ZGRF1: variants seen among roughly 807,000 people sequenced by gnomAD.
ZGRF1 encodes the protein 5'-3' DNA helicase ZGRF1.
A neutral mutation model predicts 203.5 loss-of-function variants in ZGRF1; 196 were observed. The observed-to-expected ratio is 0.96, with a 90% CI of 0.86 to 1.08. ZGRF1 has a LOEUF of 1.08. Among genes scored for constraint, ZGRF1 ranks in the 50% least tolerant of loss-of-function variants. The pLI is 0.00. For synonymous variants in ZGRF1, 809 were observed against 841.3 expected, an observed-to-expected ratio of 0.96 and a Z score of 0.66; for missense variants, 2,326 against 2,416.3, an observed-to-expected ratio of 0.96 and a Z score of 0.78.
chr4:112,583,497 C>T (rs1282123975), intron 15 of ZGRF1, among the ~76,000 whole-genome samples: 2 of 152,192 alleles, frequency 1.3e-5, no homozygotes, highest in African/African-American at 2.4e-5. Flanking sequence ...TAGAGGGAGC[C>T]GAAATAACTT....
At chr4:112,584,842 G>GTA (rs1746898676) in intron 14 of ZGRF1, among the ~76,000 whole-genome samples, 1 of 152,124 alleles carries the variant, frequency 6.6e-6, no homozygotes, top group Non-Finnish European at 1.5e-5. Flanking sequence ...TCTACAATGA[G>GTA]TATAAGTCAT....
intron 16 of ZGRF1, among the ~76,000 whole-genome samples, chr4:112,574,087 G>A (rs1187161996): frequency 1.3e-5 from 2 of 152,182 alleles, no homozygotes; most frequent in Admixed American, 1.3e-4. Flanking sequence ...GATGTGTGAA[G>A]TATGTTCATA....
intron 16 of ZGRF1, among the ~76,000 whole-genome samples, chr4:112,576,858 G>T (rs1745329022): frequency 6.6e-6 from 1 of 151,938 alleles, no homozygotes; most frequent in South Asian, 2.1e-4. Context: ...CACTCTGCAG[G>T]ATATTATCCA....
intron 24 of ZGRF1, among the ~76,000 whole-genome samples, chr4:112,543,153 A>G (rs910789731): frequency 3.2e-4 from 49 of 152,208 alleles, no homozygotes; most frequent in Admixed American, 2.9e-3. Context: ...GACATTAGCC[A>G]TATTAAGTCA....
chr4:112,552,276 C>CAA (rs893477924), intron 22 of ZGRF1, among the ~76,000 whole-genome samples: 2 of 99,490 alleles, frequency 2.0e-5, no homozygotes, highest in African/African-American at 4.0e-5. Context: ...GACTCTGGCT[C>CAA]AAAAAAAAAA....
chr4:112,545,542 A>G (rs1738571639), intron 24 of ZGRF1, among the ~76,000 whole-genome samples: 1 of 152,160 alleles, frequency 6.6e-6, no homozygotes, highest in Non-Finnish European at 1.5e-5. Context: ...GGAAAGTAAA[A>G]TGACGCCGCT....
At position 112,539,658 on chromosome 4, in the gene ZGRF1, CT is replaced by C. The variant is rs746917610; in HGVS notation, c.6203del (p.Gln2068ArgfsTer6). 4.4e-6 allele frequency: 7 copies of C among 1,607,666 alleles called. No individual in the cohort carries two copies. The highest frequency in any genetic ancestry group is 5.9e-6 in the Non-Finnish European group (7 of 1,177,470). ...GGAGATGGTTCAGCTGTGGTTCATA[CT>C]GGTTTGCATGTTGCAATCCATCTTC... ...GREDGLQHAN[Q>X]YEPQLNHLLK... On this transcript the variant is annotated frameshift_variant, in exon 28 of 28. Coordinates refer to ENST00000505019, the MANE Select transcript of ZGRF1 (RefSeq NM_018392.5). LOFTEE classifies it high-confidence loss of function.
chr4:112,594,044 C>T (rs562947033), intron 10 of ZGRF1, among the ~76,000 whole-genome samples: 55 of 152,136 alleles, frequency 3.6e-4, no homozygotes, highest in Non-Finnish European at 6.9e-4. Context: ...TGTGAGCCAC[C>T]GTCCCCAGCC....
intron 16 of ZGRF1, among the ~76,000 whole-genome samples, chr4:112,565,876 G>A (rs1742970585): frequency 6.6e-6 from 1 of 152,190 alleles, no homozygotes. Flanking sequence ...TGGAGAAATA[G>A]CAACACTTTT....
intron 16 of ZGRF1, among the ~76,000 whole-genome samples, chr4:112,571,450 T>C (rs1744203917): frequency 6.6e-6 from 1 of 152,094 alleles, no homozygotes; most frequent in Admixed American, 6.5e-5. Context: ...AAGATAAAAA[T>C]ATTCAAAACT....
intron 16 of ZGRF1, among the ~76,000 whole-genome samples, chr4:112,578,180 G>T (rs993753663): frequency 1.6e-5 from 2 of 121,712 alleles, no homozygotes; most frequent in African/African-American, 5.7e-5. Context: ...ATGACTACTG[G>T]GTACATAATC....
chr4:112,560,936 G>A lies in ZGRF1; in HGVS notation c.4757C>T (p.Ala1586Val). 1 of 1,612,078 alleles carries A rather than the reference G, an allele frequency of 6.2e-7. No individual in the cohort carries two copies. The highest frequency in any genetic ancestry group is 2.2e-5 in the East Asian group (1 of 44,814). The change falls in exon 19 of 28, where the codon GCC becomes GTC. Residue 1586 changes from alanine (A) to valine (V), a missense_variant. Coordinates refer to ENST00000505019, the MANE Select transcript of ZGRF1 (RefSeq NM_018392.5). ...AAATTTTGTACTGACATTTGTGAAG[G>A]CTGGTGGGATAAATTTTCTCTTACT... ...RVSKRKFIPPAFTNVSTKFEL... is the reference protein window; with the variant it reads ...RVSKRKFIPPVFTNVSTKFEL...
In ZGRF1 at chr4:112,618,742, G is replaced by A; in HGVS notation, c.1300C>T (p.Gln434Ter). 3.7e-6 allele frequency: 6 copies of A among 1,609,924 alleles called. No homozygotes were observed. The highest frequency in any genetic ancestry group is 5.1e-6 in the Non-Finnish European group (6 of 1,178,376). ...TTAAAAGGTATTTTATTATCTTCTT[G>A]AATGTCAGATTCTGATAATATACCA... ...NDGILSESDI[Q>*]EDNKIPFNQN... The change falls in exon 6 of 28, where the codon CAA (glutamine) becomes TAA (stop). Residue 434 changes from glutamine (Q) to a stop codon, truncating the protein, a stop_gained. Transcript: ENST00000505019. LOFTEE classifies it high-confidence loss of function.
rs750063454 is a variant in ZGRF1 at position 112,581,765 on chromosome 4, G to C, written c.4336C>G (p.Leu1446Val). 9.3e-6 allele frequency: 14 copies of C among 1,510,298 alleles called. No homozygotes were observed. The highest frequency in any genetic ancestry group is 1.2e-5 in the Non-Finnish European group (14 of 1,121,684). The allele number at this position is 1,510,298 out of a possible 1,614,324, so 93.6% of individuals were successfully genotyped here. Residue 1446 changes from leucine (L) to valine (V), a missense_variant, in exon 16 of 28, where the codon CTA becomes GTA. Leu to Val is a conservative substitution (Grantham distance 32). Coordinates refer to ENST00000505019, the MANE Select transcript of ZGRF1 (RefSeq NM_018392.5). Reference sequence around the variant, plus strand: ...GGATTTACAGTAGTAAACTTCTTTAGTTTGCCATACTGTTTTCTCTGAAAA... The same window carrying C: ...GGATTTACAGTAGTAAACTTCTTTACTTTGCCATACTGTTTTCTCTGAAAA... ...FDFQRKQYGK[L>V]KKFTTVNPEF...
At chr4:112,556,371 TAG>T (rs1458244489) in intron 20 of ZGRF1, among the ~76,000 whole-genome samples, 4 of 152,224 alleles carry the variant, frequency 2.6e-5, no homozygotes, top group Admixed American at 6.5e-5. Context: ...TTGAATATAA[TAG>T]AGTTATAAAA....
Position 112,540,015 on chromosome 4 carries a change from G to A in ZGRF1, c.6020C>T (p.Ser2007Phe). 1 of 1,613,080 alleles carries A rather than the reference G, an allele frequency of 6.2e-7. No individual in the cohort carries two copies. The highest frequency in any genetic ancestry group is 8.5e-7 in the Non-Finnish European group (1 of 1,179,430). ...QGAEKEIIIL[S>F]CVRTRQVGFI... ...TCCTACTTGTCTTGTCCTTACACAG[G>A]ACAGAATAATGATCTCCTTTTCAGC... is the stretch of plus-strand genomic sequence containing the variant. The change falls in exon 27 of 28, where the codon TCC becomes TTC. Residue 2007 changes from serine to phenylalanine, a missense_variant. Ser to Phe is a radical substitution (Grantham distance 155). Transcript: ENST00000505019.
chr4:112,631,904 C>T (rs2047423505), intron 3 of ZGRF1, 26 bp downstream of exon 3: 1 of 1,368,136 alleles, frequency 7.3e-7, no homozygotes, highest in Non-Finnish European at 1.0e-6. Flanking sequence ...GCTCTTGCAC[C>T]CTATAGTCAA....
Position 112,618,803 on chromosome 4 carries a change from A to G in ZGRF1, c.1239T>C (p.Ser413=). The G allele has an allele frequency of 6.2e-7, 1 of 1,612,652 alleles. No homozygotes were observed. Among genetic ancestry groups the G allele is most frequent in the Non-Finnish European group, 8.5e-7 (1 of 1,179,608 alleles). The part of the protein sequence containing the change: ...KLEIPSFNES[S]SLQVTCSSAE... ...CACTGCTACAAGTAACCTGTAAGCT[A>G]CTGCTTTCATTGAATGAAGGAATTT... The change falls in exon 6 of 28, where the codon AGT becomes AGC. Residue 413 remains serine, a synonymous_variant. Coordinates refer to ENST00000505019, the MANE Select transcript of ZGRF1 (RefSeq NM_018392.5).
At chr4:112,559,156 C>A (rs1741476043) in intron 19 of ZGRF1, among the ~76,000 whole-genome samples, 1 of 152,132 alleles carries the variant, frequency 6.6e-6, no homozygotes, top group South Asian at 2.1e-4. Context: ...ATCTTAAAGG[C>A]CAGCAGATGT....
Sources: gnomAD v4.1 joint callset for allele counts (sites outside exome capture counted in the v4.1 genomes callset) on GRCh38, gnomAD v4.1.1 for gene constraint, MANE v1.5 for transcripts, NCBI Gene and HGNC (gene_info 2026-07-23, HGNC 2026-07-21) for gene names.